NTN1: variants seen among roughly 807,000 people sequenced by gnomAD.
The protein encoded by NTN1 is netrin-1.
A neutral mutation model predicts 54.2 loss-of-function variants in NTN1; 11 were observed. The observed-to-expected ratio is 0.20, with a 90% CI of 0.13 to 0.34. The LOEUF (loss-of-function observed/expected upper bound fraction) is 0.34. Ranked by LOEUF, NTN1 falls within the 10% of genes least tolerant of loss-of-function variation. NTN1 has a pLI of 1.00. For missense variants in NTN1, 740 were observed against 893.1 expected, an observed-to-expected ratio of 0.83 and a Z score of 2.18; for synonymous variants, 371 against 382.0, an observed-to-expected ratio of 0.97 and a Z score of 0.33.
At chr17:9,201,761 A>G (rs1270300699) in intron 5 of NTN1, among the ~76,000 whole-genome samples, 15 of 152,126 alleles carry the variant, frequency 9.9e-5, no homozygotes, top group Admixed American at 9.2e-4. Context: ...GCCAGTTCCC[A>G]TTGGTCTGTG....
chr17:9,121,502 C>T (rs753111588), intron 2 of NTN1, among the ~76,000 whole-genome samples: 1 of 152,266 alleles, frequency 6.6e-6, no homozygotes, highest in Admixed American at 6.5e-5. Context: ...GACCTCTTGG[C>T]AGTTCTGTGC....
chr17:9,209,669 G>C (rs1430236889), intron 5 of NTN1, among the ~76,000 whole-genome samples: 2 of 152,202 alleles, frequency 1.3e-5, no homozygotes, highest in Non-Finnish European at 2.9e-5. Context: ...CAGGGCACCA[G>C]GGCCCCCTCT....
At chr17:9,042,811 G>C (rs1054270482) in intron 2 of NTN1, among the ~76,000 whole-genome samples, 18 of 151,024 alleles carry the variant, frequency 1.2e-4, no homozygotes, top group Non-Finnish European at 2.4e-4. Flanking sequence ...AGTGAGATTT[G>C]TCTGACCTTT....
chr17:9,088,647 C>A (rs893361368), intron 2 of NTN1, among the ~76,000 whole-genome samples: 1 of 152,154 alleles, frequency 6.6e-6, no homozygotes, highest in Admixed American at 6.5e-5. Flanking sequence ...GCCTGGAACA[C>A]GTTCACATGC....
intron 2 of NTN1, among the ~76,000 whole-genome samples, chr17:9,065,506 A>C (rs1178618484): frequency 6.6e-6 from 1 of 152,118 alleles, no homozygotes; most frequent in Non-Finnish European, 1.5e-5. Context: ...CCACACACCC[A>C]TATGGCCACA....
At chr17:9,234,590 CCA>C (rs1381616332) in intron 6 of NTN1, among the ~76,000 whole-genome samples, 1 of 152,236 alleles carries the variant, frequency 6.6e-6, no homozygotes, top group Admixed American at 6.5e-5. Flanking sequence ...GTTCCAGTTC[CCA>C]CATCCGAACC....
chr17:9,227,144 C>T (rs1314250097), intron 6 of NTN1, among the ~76,000 whole-genome samples: 2 of 152,126 alleles, frequency 1.3e-5, no homozygotes, highest in African/African-American at 4.8e-5. Flanking sequence ...CTCACACAAC[C>T]GCTGTGCTCA....
At chr17:9,167,476 A>C (rs1406761061) in intron 3 of NTN1, among the ~76,000 whole-genome samples, 3 of 152,206 alleles carry the variant, frequency 2.0e-5, no homozygotes, top group Non-Finnish European at 4.4e-5. Context: ...TTAAGAAATT[A>C]ACCACTGCAT....
At chr17:9,124,144 T>C (rs1009221237) in intron 2 of NTN1, among the ~76,000 whole-genome samples, 1 of 152,324 alleles carries the variant, frequency 6.6e-6, no homozygotes, top group Non-Finnish European at 1.5e-5. Flanking sequence ...CCACATCTCA[T>C]AATCACATCC....
chr17:9,124,576 C>T lies in NTN1; in HGVS notation c.1019-38237C>T, dbSNP rs537503993. On this transcript the variant is annotated intron_variant, in intron 2 of 6. Coordinates refer to ENST00000173229, the MANE Select transcript of NTN1 (RefSeq NM_004822.3). ...ACAGTGATGACGATGATGACAGTGA[C>T]GAGGATGGGGGGCTCTGATGGTGAA... Among the ~76,000 whole-genome samples, 97 of 152,320 alleles carry T rather than the reference C, an allele frequency of 6.4e-4. 1 individual carries two copies. Among genetic ancestry groups the T allele is most frequent in the African/African-American group, 2.2e-3 (92 of 41,556 alleles).
chr17:9,113,626 A>C (rs1459294566), intron 2 of NTN1, among the ~76,000 whole-genome samples: 2 of 152,140 alleles, frequency 1.3e-5, no homozygotes, highest in Admixed American at 6.6e-5. Flanking sequence ...CAATCCAAGC[A>C]GACTTTGCTC....
At chr17:9,052,132 C>G (rs2142199749) in intron 2 of NTN1, among the ~76,000 whole-genome samples, 1 of 152,268 alleles carries the variant, frequency 6.6e-6, no homozygotes, top group South Asian at 2.1e-4. Flanking sequence ...GCCACCATGC[C>G]TGGCTAATTT....
At chr17:9,148,672 C>T (rs930447394) in intron 2 of NTN1, among the ~76,000 whole-genome samples, 3 of 151,984 alleles carry the variant, frequency 2.0e-5, no homozygotes, top group African/African-American at 7.3e-5. Context: ...TTGGTGTTGT[C>T]CTGGAGTGGC....
At chr17:9,071,641 C>T (rs2092032356) in intron 2 of NTN1, among the ~76,000 whole-genome samples, 1 of 152,222 alleles carries the variant, frequency 6.6e-6, no homozygotes, top group East Asian at 1.9e-4. Flanking sequence ...AAGTTATGCC[C>T]ACCTGCCTGC....
chr17:9,100,026 C>G (rs1267690293), intron 2 of NTN1, among the ~76,000 whole-genome samples: 1 of 152,016 alleles, frequency 6.6e-6, no homozygotes, highest in African/African-American at 2.4e-5. Flanking sequence ...GTTGCCCAGG[C>G]TGGTCTTGAA....
intron 2 of NTN1, among the ~76,000 whole-genome samples, chr17:9,074,979 G>T (rs1363573922): frequency 2.6e-5 from 4 of 152,242 alleles, no homozygotes; most frequent in Non-Finnish European, 5.9e-5. Flanking sequence ...TGTGAGTGTG[G>T]ATGTGGAATA....
At chr17:9,164,436 A>T (rs2092368020) in intron 3 of NTN1, among the ~76,000 whole-genome samples, 1 of 151,844 alleles carries the variant, frequency 6.6e-6, no homozygotes, top group East Asian at 2.0e-4. Flanking sequence ...AAAAAAAAAA[A>T]AGAAAGAACA....
rs576892135 is a variant in NTN1 at position 9,096,471 on chromosome 17, C to T, written c.1019-66342C>T. On this transcript the variant is annotated intron_variant, in intron 2 of 6. Transcript: ENST00000173229. ...CTGCAAACTCTGCCTCCCGGGTTCA[C>T]GCCATTCTCCTGCCTCAGCCTCCCG... 1.4e-4 allele frequency among the ~76,000 whole-genome samples: 20 copies of T among 145,594 alleles called. No individual in the cohort carries two copies. The East Asian group carries it at 2.2e-3, about 16-fold the overall frequency.
At chr17:9,193,650 C>G (rs1022174796) in intron 5 of NTN1, among the ~76,000 whole-genome samples, 1 of 152,148 alleles carries the variant, frequency 6.6e-6, no homozygotes, top group Non-Finnish European at 1.5e-5. Context: ...CGGCTGGGCA[C>G]GGTGGCTCAC....
Sources: gnomAD v4.1 joint callset for allele counts (sites outside exome capture counted in the v4.1 genomes callset) on GRCh38, gnomAD v4.1.1 for gene constraint, MANE v1.5 for transcripts, NCBI Gene and HGNC (gene_info 2026-07-23, HGNC 2026-07-21) for gene names.